Variants in RANBP6 observed in about 807,000 individuals in gnomAD.
RANBP6 encodes RAN binding protein 6.
In RANBP6, 10 loss-of-function variants were observed where a neutral mutation model predicts 35.3. That is an observed-to-expected ratio of 0.28 (90% CI 0.17 to 0.48). The LOEUF is 0.48. Among genes scored for constraint, RANBP6 ranks in the 20% least tolerant of loss-of-function variants. The probability of loss-of-function intolerance (pLI) is 0.99; values close to 1 mark genes in which losing one functional copy is unlikely to be tolerated. For missense variants in RANBP6, 1,392 were observed against 1,307.7 expected, an observed-to-expected ratio of 1.06 and a Z score of -0.99; for synonymous variants, 514 against 464.2, an observed-to-expected ratio of 1.11 and a Z score of -1.38.
rs756585823 is a variant in RANBP6, at chr9:6,012,485, G to A, written c.3123C>T (p.Ser1041=). 6 of 1,611,460 alleles carry A rather than the reference G, an allele frequency of 3.7e-6. No individual in the cohort carries two copies. In the South Asian group the frequency reaches 6.6e-5, roughly 18 times the overall value. The change falls in exon 1 of 1, where the codon TCC becomes TCT. Residue 1041 remains serine, a synonymous_variant. Transcript: ENST00000259569. ...NHPVVIGPNN[S]NLPKIISIIA... The stretch of plus-strand genomic sequence containing the variant: ...TTATACTGATTATTTTGGGAAGATT[G>A]GAATTATTTGGACCAATTACAACTG...
In RANBP6 at chr9:6,014,594, ATCT is replaced by A. The variant is rs1252206036; in HGVS notation, c.1011_1013del (p.Glu337del). The A allele has an allele frequency of 1.2e-6, 2 of 1,614,034 alleles. No individual in the cohort carries two copies. The highest frequency in any genetic ancestry group is 1.7e-6 in the Non-Finnish European group (2 of 1,180,042). On this transcript the variant is annotated inframe_deletion, in exon 1 of 1. Transcript: ENST00000259569. ...CAGCAACTGCATTGCTGTCAAAATCATCTTCTTCCATTTCATCAGCATTTACCC... is the reference window on the plus strand; with the variant it reads ...CAGCAACTGCATTGCTGTCAAAATCATCTTCCATTTCATCAGCATTTACCC...
Position 6,011,278 on chromosome 9 carries a change from C to T in RANBP6, c.*1012G>A, listed in dbSNP as rs770250024. 3.3e-5 allele frequency: 5 copies of T among 152,168 alleles called. No individual in the cohort carries two copies. The highest frequency in any genetic ancestry group is 4.8e-5 in the African/African-American group (2 of 41,448). The allele number at this position is 152,168 out of a possible 1,614,324, so 9.4% of individuals were successfully genotyped here. On this transcript the variant is annotated 3_prime_UTR_variant, in exon 1 of 1. Coordinates refer to ENST00000259569, the MANE Select transcript of RANBP6 (RefSeq NM_012416.4). Reference sequence around the variant, plus strand: ...AGAACTGTTTTCTCATAATAATGCACATCTACTGCTAAATGACTACTCTCA... The same window carrying T: ...AGAACTGTTTTCTCATAATAATGCATATCTACTGCTAAATGACTACTCTCA...
chr9:6,015,476 G>C lies in RANBP6; in HGVS notation c.132C>G (p.Ile44Met), dbSNP rs774227236. The C allele has an allele frequency of 6.2e-7, 1 of 1,614,120 alleles. No individual in the cohort carries two copies. Among genetic ancestry groups the C allele is most frequent in the South Asian group, 1.1e-5 (1 of 91,086 alleles). ...GGAAGGTAGTCTTACACAGACCTGGGATATTTTCATAGATTTCCTCTGCTT... is the reference window on the plus strand; with the variant it reads ...GGAAGGTAGTCTTACACAGACCTGGCATATTTTCATAGATTTCCTCTGCTT... Reference protein sequence around the residue: ...RRQAEEIYENIPGLCKTTFLL... With the variant: ...RRQAEEIYENMPGLCKTTFLL... Residue 44 changes from isoleucine to methionine, a missense_variant, in exon 1 of 1, where the codon ATC becomes ATG. Physicochemically the swap from Ile to Met is conservative, Grantham distance 10. Transcript: ENST00000259569.
rs773004649 is a variant in RANBP6, at chr9:6,013,825, T to G, written c.1783A>C (p.Thr595Pro). 6.2e-7 allele frequency: 1 copy of G among 1,614,036 alleles called. No homozygotes were observed. Among genetic ancestry groups the G allele is most frequent in the East Asian group, 2.2e-5 (1 of 44,886 alleles). ...ASNVMQLLLK[T>P]QSDLNNMEDD... ...TCCATATTATTTAAGTCTGATTGTG[T>G]CTTCAACAACAGCTGCATCACATTT... Residue 595 changes from threonine (T) to proline (P), a missense_variant, in exon 1 of 1, where the codon ACA (threonine) becomes CCA (proline). By Grantham distance (38) the Thr-to-Pro change is conservative. Transcript: ENST00000259569.
At position 6,014,688 on chromosome 9, in the gene RANBP6, T is replaced by C; in HGVS notation, c.920A>G (p.Asn307Ser). The C allele has an allele frequency of 1.2e-6, 2 of 1,614,168 alleles. No homozygotes were observed. The highest frequency in any genetic ancestry group is 8.5e-7 in the Non-Finnish European group (1 of 1,180,044). Residue 307 changes from asparagine to serine, a missense_variant, in exon 1 of 1, where the codon AAT (asparagine) becomes AGT (serine). Physicochemically the swap from Asn to Ser is conservative, Grantham distance 46 (BLOSUM62 1). Coordinates refer to ENST00000259569, the MANE Select transcript of RANBP6 (RefSeq NM_012416.4). ...TATPMLKKHT[N>S]IIAQAVPHIL... is the part of the protein sequence containing the mutation. ...ATGAGGAACTGCCTGTGCAATAATATTTGTATGTTTTTTCAACATCGGAGT... is the reference window on the plus strand; with the variant it reads ...ATGAGGAACTGCCTGTGCAATAATACTTGTATGTTTTTTCAACATCGGAGT...
rs1426581890 is a variant in RANBP6 at position 6,011,662 on chromosome 9, C to T, written c.*628G>A. ...CTTAAAAAAATAGAGACCTGTCTGG[C>T]TAAAGAAATTTAAAAGTTCTCTAAC... On this transcript the variant is annotated 3_prime_UTR_variant, in exon 1 of 1. Transcript: ENST00000259569. The T allele has an allele frequency of 1.3e-5, 2 of 152,166 alleles. No individual in the cohort carries two copies. Among genetic ancestry groups the T allele is most frequent in the Non-Finnish European group, 2.9e-5 (2 of 68,024 alleles). The allele number at this position is 152,166 out of a possible 1,614,324, so 9.4% of individuals were successfully genotyped here. A position where few individuals can be genotyped will look rare whatever the true frequency, so the allele number is the denominator to read the frequency against.
Position 6,014,958 on chromosome 9 carries a change from G to C in RANBP6, c.650C>G (p.Ala217Gly). ...CAAGTCTGCAAAGTCTTTGAAAAGA[G>C]CAATATTATTCTCATTAGCAAGTAC... Reference protein sequence around the residue: ...AFVLANENNIALFKDFADLLP... With the variant: ...AFVLANENNIGLFKDFADLLP... The change falls in exon 1 of 1, where the codon GCT (alanine) becomes GGT (glycine). Residue 217 changes from alanine (A) to glycine (G), a missense_variant. Ala to Gly is a moderately conservative substitution (Grantham distance 60). Transcript: ENST00000259569. 2 of 1,614,192 alleles carry C rather than the reference G, an allele frequency of 1.2e-6. No homozygotes were observed. The highest frequency in any genetic ancestry group is 1.7e-6 in the Non-Finnish European group (2 of 1,180,044).
rs1295127224 is a variant in RANBP6 at position 6,014,759 on chromosome 9, C to G, written c.849G>C (p.Gln283His). ...CTATAACTTCGAGGGCCAGCTGGCG[C>G]TGCAGATTACTAAGCCTAGAGTCTC... Reference protein sequence around the residue: ...LCGDSRLSNLQRQLALEVIVT... With the variant: ...LCGDSRLSNLHRQLALEVIVT... The change falls in exon 1 of 1, where the codon CAG (glutamine) becomes CAC (histidine). Residue 283 changes from glutamine to histidine, a missense_variant. Transcript: ENST00000259569. 3 of 1,614,044 alleles carry G rather than the reference C, an allele frequency of 1.9e-6. No homozygotes were observed. Among genetic ancestry groups the G allele is most frequent in the Admixed American group, 1.7e-5 (1 of 60,010 alleles).
At position 6,015,572 on chromosome 9, in the gene RANBP6, G is replaced by A. The variant is rs530934860; in HGVS notation, c.36C>T (p.Thr12=). 6.2e-7 allele frequency: 1 copy of A among 1,604,346 alleles called. No individual in the cohort carries two copies. The highest frequency in any genetic ancestry group is 8.5e-7 in the Non-Finnish European group (1 of 1,179,204). ...AATASAGVPA[T]VSEKQEFYQL... is the part of the protein sequence containing the mutation. Reference sequence around the variant, plus strand: ...GGTAAAACTCTTGCTTTTCTGACACGGTCGCCGGCACCCCTGCAGACGCGG... The same window carrying A: ...GGTAAAACTCTTGCTTTTCTGACACAGTCGCCGGCACCCCTGCAGACGCGG... The change falls in exon 1 of 1, where the codon ACC becomes ACT. Residue 12 remains threonine, a synonymous_variant. Transcript: ENST00000259569.
rs756530353 is a variant in RANBP6, at chr9:6,013,761, C to A, written c.1847G>T (p.Trp616Leu). 17 of 1,613,902 alleles carry A rather than the reference C, an allele frequency of 1.1e-5. No individual in the cohort carries two copies. In the South Asian group the frequency reaches 1.8e-4, roughly 17 times the overall value. The change falls in exon 1 of 1, where the codon TGG (tryptophan) becomes TTG (leucine). Residue 616 changes from tryptophan (W) to leucine (L), a missense_variant. Coordinates refer to ENST00000259569, the MANE Select transcript of RANBP6 (RefSeq NM_012416.4). ...DPQTSYMVSAWARMCKILGKD... is the reference protein window; with the variant it reads ...DPQTSYMVSALARMCKILGKD... ...TCCAAGAATTTTACACATTCTAGCC[C>A]ATGCTGAAACCATGTAAGAGGTCTG...
chr9:6,014,129 C>T lies in RANBP6; in HGVS notation c.1479G>A (p.Met493Ile), dbSNP rs747116332. The change falls in exon 1 of 1, where the codon ATG becomes ATA. Residue 493 changes from methionine to isoleucine, a missense_variant. Coordinates refer to ENST00000259569, the MANE Select transcript of RANBP6 (RefSeq NM_012416.4). The stretch of plus-strand genomic sequence containing the variant: ...CCAAGACGGAATGTAGATTTTTCAC[C>T]ATACTATCCACATATAGAACTAGCA... ...KSLLVLYVDSMVKNLHSVLVI... is the reference protein window; with the variant it reads ...KSLLVLYVDSIVKNLHSVLVI... 2 of 1,613,926 alleles carry T rather than the reference C, an allele frequency of 1.2e-6. No homozygotes were observed. Among genetic ancestry groups the T allele is most frequent in the Admixed American group, 1.7e-5 (1 of 60,014 alleles).
At position 6,012,821 on chromosome 9, in the gene RANBP6, G is replaced by A; in HGVS notation, c.2787C>T (p.Val929=). 6.2e-7 allele frequency: 1 copy of A among 1,614,110 alleles called. No homozygotes were observed. ...LLNMRDNNPE[V]RQAAAYGLGV... ...CCAGGCCATAAGCAGCAGCTTGCCTGACTTCAGGGTTGTTATCTCGCATAT... is the reference window on the plus strand; with the variant it reads ...CCAGGCCATAAGCAGCAGCTTGCCTAACTTCAGGGTTGTTATCTCGCATAT... Residue 929 remains valine, a synonymous_variant, in exon 1 of 1, where the codon GTC becomes GTT. Coordinates refer to ENST00000259569, the MANE Select transcript of RANBP6 (RefSeq NM_012416.4).
chr9:6,012,715 A>C lies in RANBP6; in HGVS notation c.2893T>G (p.Cys965Gly), dbSNP rs568285323. 6.1e-5 allele frequency: 99 copies of C among 1,614,024 alleles called. No homozygotes were observed. The South Asian group carries it at 9.6e-4, about 16-fold the overall frequency. Residue 965 changes from cysteine (C) to glycine (G), a missense_variant, in exon 1 of 1, where the codon TGT becomes GGT. Physicochemically the swap from Cys to Gly is radical, Grantham distance 159. Transcript: ENST00000259569. ...AVPLLVKVIK[C>G]ANSKTKKNVI... ...TTTTTTTTGGTTTTGGAATTTGCAC[A>C]CTTAATAACTTTTACCAGAAGTGGA... is the stretch of plus-strand genomic sequence containing the variant.
chr9:6,015,309 T>C lies in RANBP6; in HGVS notation c.299A>G (p.Glu100Gly), dbSNP rs1183484056. ...TTCTAACTTAACAGCCAGAATCAGT[T>C]CAATCTTGACATCTCTCTGAACATC... is the stretch of plus-strand genomic sequence containing the variant. ...PADVQRDVKI[E>G]LILAVKLETH... is the part of the protein sequence containing the mutation. Residue 100 changes from glutamate (E) to glycine (G), a missense_variant, in exon 1 of 1, where the codon GAA (glutamate) becomes GGA (glycine). Glu to Gly is a moderately conservative substitution (Grantham distance 98). Coordinates refer to ENST00000259569, the MANE Select transcript of RANBP6 (RefSeq NM_012416.4). 6.2e-7 allele frequency: 1 copy of C among 1,614,232 alleles called. No homozygotes were observed. Among genetic ancestry groups the C allele is most frequent in the Admixed American group, 1.7e-5 (1 of 60,036 alleles).
Position 6,013,290 on chromosome 9 carries a change from A to G in RANBP6, c.2318T>C (p.Val773Ala). The part of the protein sequence containing the change: ...KAIGTEPDTD[V>A]LSEIMNSFAK... ...AAAAGAATTCATTATTTCTGAGAGC[A>G]CATCTGTATCTGGTTCAGTACCAAT... The change falls in exon 1 of 1, where the codon GTG (valine) becomes GCG (alanine). Residue 773 changes from valine to alanine, a missense_variant. Coordinates refer to ENST00000259569, the MANE Select transcript of RANBP6 (RefSeq NM_012416.4). The G allele has an allele frequency of 6.2e-7, 1 of 1,614,220 alleles. No individual in the cohort carries two copies. The highest frequency in any genetic ancestry group is 8.5e-7 in the Non-Finnish European group (1 of 1,180,044).
At position 6,015,473 on chromosome 9, in the gene RANBP6, T is replaced by G. The variant is rs118125051; in HGVS notation, c.135A>C (p.Pro45=). The change falls in exon 1 of 1, where the codon CCA becomes CCC. Residue 45 remains proline, a synonymous_variant. Coordinates refer to ENST00000259569, the MANE Select transcript of RANBP6 (RefSeq NM_012416.4). ...RQAEEIYENI[P]GLCKTTFLLD... is the part of the protein sequence containing the mutation. ...AGAGGAAGGTAGTCTTACACAGACC[T>G]GGGATATTTTCATAGATTTCCTCTG... is the stretch of plus-strand genomic sequence containing the variant. 502 of 1,614,134 alleles carry G rather than the reference T, an allele frequency of 3.1e-4. No individual in the cohort carries two copies. The highest frequency in any genetic ancestry group is 4.0e-4 in the Non-Finnish European group (474 of 1,180,036).
chr9:6,013,073 A>G lies in RANBP6; in HGVS notation c.2535T>C (p.Tyr845=). 1 of 1,614,058 alleles carries G rather than the reference A, an allele frequency of 6.2e-7. No individual in the cohort carries two copies. Among genetic ancestry groups the G allele is most frequent in the Non-Finnish European group, 8.5e-7 (1 of 1,179,990 alleles). The change falls in exon 1 of 1, where the codon TAT becomes TAC. Residue 845 remains tyrosine (Y), a synonymous_variant. Transcript: ENST00000259569. Reference sequence around the variant, plus strand: ...AAATATCTGATACTTTGGTCAGAATATAAACATCACATTCATCCTCATCTT... The same window carrying G: ...AAATATCTGATACTTTGGTCAGAATGTAAACATCACATTCATCCTCATCTT... ...SLQDEDECDV[Y]ILTKVSDILH...
Position 6,012,778 on chromosome 9 carries a change from C to G in RANBP6, c.2830G>C (p.Gly944Arg), listed in dbSNP as rs1476897536. The change falls in exon 1 of 1, where the codon GGT becomes CGT. Residue 944 changes from glycine to arginine, a missense_variant. By Grantham distance (125) the Gly-to-Arg change is moderately radical (BLOSUM62 -2). Transcript: ENST00000259569. ...CATAAAGAACGATAATCATCTCCAC[C>G]AAACTGTGCCATGACACCCAGGCCA... is the stretch of plus-strand genomic sequence containing the variant. ...AYGLGVMAQF[G>R]GDDYRSLCSE... The G allele has an allele frequency of 3.1e-6, 5 of 1,614,156 alleles. No individual in the cohort carries two copies. Among genetic ancestry groups the G allele is most frequent in the Admixed American group, 1.7e-5 (1 of 60,024 alleles).
Position 6,013,738 on chromosome 9 carries a change from C to A in RANBP6, c.1870G>T (p.Gly624Ter), listed in dbSNP as rs1336840216. 6.2e-7 allele frequency: 1 copy of A among 1,613,926 alleles called. No individual in the cohort carries two copies. Among genetic ancestry groups the A allele is most frequent in the Admixed American group, 1.7e-5 (1 of 60,020 alleles). ...SAWARMCKIL[G>*]KDFQQYLPLV... ...GGAAGGTACTGTTGAAAATCTTTTC[C>A]AAGAATTTTACACATTCTAGCCCAT... Residue 624 changes from glycine (G) to a stop codon, truncating the protein, a stop_gained, in exon 1 of 1, where the codon GGA (glycine) becomes TGA (stop). Transcript: ENST00000259569. LOFTEE classifies it low-confidence loss of function (END_TRUNC).
Sources: allele counts gnomAD v4.1 joint callset, GRCh38; gene constraint gnomAD v4.1.1; transcripts MANE v1.5; gene names NCBI Gene and HGNC (gene_info 2026-07-23, HGNC 2026-07-21).